TNKS: variants seen among roughly 807,000 people sequenced by gnomAD.
TNKS encodes the protein tankyrase.
In TNKS, 72 loss-of-function variants were observed where a neutral mutation model predicts 135.8. That is an observed-to-expected ratio of 0.53 (90% CI 0.44 to 0.64). The LOEUF is 0.64. TNKS is among the 30% of genes least tolerant of loss of function. TNKS has a pLI of 0.00. For synonymous variants in TNKS, 849 were observed against 649.3 expected (o/e 1.31, Z -4.68); for missense variants, 1,769 against 1,674.0 (o/e 1.06, Z -0.99).
intron 3 of TNKS, among the ~76,000 whole-genome samples, chr8:9,638,667 G>T (rs1800611063): frequency 6.6e-6 from 1 of 152,162 alleles, no homozygotes; most frequent in Non-Finnish European, 1.5e-5. Context: ...AAGTTGAAAT[G>T]ATATTTTAAA....
intron 3 of TNKS, among the ~76,000 whole-genome samples, chr8:9,627,682 G>C (rs1800116382): frequency 6.6e-6 from 1 of 152,082 alleles, no homozygotes; most frequent in Non-Finnish European, 1.5e-5. Flanking sequence ...CTGTTTGTTT[G>C]TGTTTTTCCA....
intron 25 of TNKS, among the ~76,000 whole-genome samples, chr8:9,769,367 A>G (rs1376563962): frequency 1.3e-5 from 2 of 152,164 alleles, no homozygotes; most frequent in Non-Finnish European, 2.9e-5. Context: ...CACCCAGACT[A>G]TTATGATTTT....
chr8:9,748,061 C>G lies in TNKS; in HGVS notation c.2681C>G (p.Thr894Arg). The stretch of plus-strand genomic sequence containing the variant: ...GCGGCTTTATTGATAAAATACAACA[C>G]GTGTGTAAATGCAACAGATAAGTGG... ...DIAALLIKYN[T>R]CVNATDKWAF... The change falls in exon 18 of 27, where the codon ACG becomes AGG. Residue 894 changes from threonine to arginine, a missense_variant. Transcript: ENST00000310430. 1 of 1,612,142 alleles carries G rather than the reference C, an allele frequency of 6.2e-7. No individual in the cohort carries two copies. The highest frequency in any genetic ancestry group is 8.5e-7 in the Non-Finnish European group (1 of 1,179,478).
intron 20 of TNKS, 92 bp from the exon 21 acceptor site, chr8:9,761,424 A>G: frequency 3.0e-6 from 4 of 1,314,156 alleles, no homozygotes; most frequent in Admixed American, 4.7e-5. Flanking sequence ...CTTAATTTGA[A>G]TGGTACTCGT....
At chr8:9,707,230 T>G (rs1804091044) in intron 8 of TNKS, among the ~76,000 whole-genome samples, 1 of 152,164 alleles carries the variant, frequency 6.6e-6, no homozygotes, top group African/African-American at 2.4e-5. Context: ...TGAAGCTCCT[T>G]TTTTGGTTTT....
intron 5 of TNKS, among the ~76,000 whole-genome samples, chr8:9,690,351 G>A (rs6990300): frequency 0.62 from 94,343 of 152,108 alleles, 29,677 homozygotes; most frequent in Middle Eastern, 0.73. Flanking sequence ...TATTCTCACA[G>A]AGATTACCCT....
intron 1 of TNKS, among the ~76,000 whole-genome samples, chr8:9,569,907 G>A (rs567943991): frequency 1.3e-5 from 2 of 151,964 alleles, no homozygotes; most frequent in African/African-American, 4.8e-5. Context: ...GCCTTAAAAA[G>A]TGTTTTTTTA....
chr8:9,660,213 C>G lies in TNKS; in HGVS notation c.995-19738C>G, dbSNP rs200393141. Among the ~76,000 whole-genome samples the G allele has an allele frequency of 2.5e-3, 374 of 152,198 alleles. 1 individual carries two copies. Among genetic ancestry groups the G allele is most frequent in the Middle Eastern group, 0.014 (4 of 294 alleles). ...AACTATTCCAATCAATAGAAAAAGA[C>G]GGAATCCTCCCTAACTCATTTTATG... On this transcript the variant is annotated intron_variant, in intron 3 of 26. Coordinates refer to ENST00000310430, the MANE Select transcript of TNKS (RefSeq NM_003747.3).
intron 2 of TNKS, among the ~76,000 whole-genome samples, chr8:9,597,680 G>C (rs1052996421): frequency 1.3e-4 from 20 of 152,138 alleles, no homozygotes; most frequent in Non-Finnish European, 2.5e-4. Flanking sequence ...GAAATAATTG[G>C]TTAATATTTT....
In TNKS at chr8:9,658,796, G is replaced by C. The variant is rs968807157; in HGVS notation, c.995-21155G>C. 1.2e-4 allele frequency among the ~76,000 whole-genome samples: 19 copies of C among 152,306 alleles called. 2 individuals are homozygous for C. Among genetic ancestry groups the C allele is most frequent in the African/African-American group, 4.6e-4 (19 of 41,564 alleles). On this transcript the variant is annotated intron_variant, in intron 3 of 26. Transcript: ENST00000310430. The stretch of plus-strand genomic sequence containing the variant: ...TTAAAAGACACAGACTGGCAAATTG[G>C]ATAAAGAGTCAAGACCCATCAGTGT...
At chr8:9,582,158 C>T (rs1335515121) in intron 2 of TNKS, among the ~76,000 whole-genome samples, 1 of 152,138 alleles carries the variant, frequency 6.6e-6, no homozygotes, top group Non-Finnish European at 1.5e-5. Flanking sequence ...CTTGCAGAAA[C>T]CTCTTAGGAG....
chr8:9,772,594 G>A (rs1173228254), intron 26 of TNKS, among the ~76,000 whole-genome samples: 1 of 151,902 alleles, frequency 6.6e-6, no homozygotes, highest in East Asian at 1.9e-4. Flanking sequence ...ATCCAGTATT[G>A]GAAGAGAAAG....
At chr8:9,691,600 C>T (rs530204920) in intron 5 of TNKS, among the ~76,000 whole-genome samples, 2 of 152,242 alleles carry the variant, frequency 1.3e-5, no homozygotes, top group South Asian at 4.1e-4. Context: ...TTTAACTTGC[C>T]GTGTTAATCA....
At position 9,589,567 on chromosome 8, in the gene TNKS, G is replaced by C. The variant is rs142607426; in HGVS notation, c.898+9184G>C. Among the ~76,000 whole-genome samples the C allele has an allele frequency of 5.9e-4, 90 of 152,324 alleles. No individual in the cohort carries two copies. In the South Asian group the frequency reaches 9.7e-3, roughly 16 times the overall value. On this transcript the variant is annotated intron_variant, in intron 2 of 26. Coordinates refer to ENST00000310430, the MANE Select transcript of TNKS (RefSeq NM_003747.3). ...CTTGTTGCTAAACCTGAGATGCAAA[G>C]AATCTGATGCCCCACTTTGAGTTAG...
intron 2 of TNKS, among the ~76,000 whole-genome samples, chr8:9,600,889 C>G (rs548103827): frequency 6.6e-6 from 1 of 152,290 alleles, no homozygotes; most frequent in African/African-American, 2.4e-5. Context: ...AGCATTATTA[C>G]AGAATCTAAA....
Position 9,712,856 on chromosome 8 carries a change from C to G in TNKS, c.1749+2636C>G, listed in dbSNP as rs73531231. On this transcript the variant is annotated intron_variant, in intron 11 of 26. Transcript: ENST00000310430. ...AGTGAGCTGTAATCATGCCACTACA[C>G]TGTAGCCTGGGTGACAGAGCAGTAC... Among the ~76,000 whole-genome samples, 212 of 152,306 alleles carry G rather than the reference C, an allele frequency of 1.4e-3. 1 individual carries two copies. The highest frequency in any genetic ancestry group is 4.7e-3 in the African/African-American group (194 of 41,568).
intron 1 of TNKS, among the ~76,000 whole-genome samples, chr8:9,579,700 C>G (rs1287953498): frequency 6.6e-6 from 1 of 152,044 alleles, no homozygotes; most frequent in Admixed American, 6.6e-5. Flanking sequence ...AACTCCTGAC[C>G]TCAGGTGACC....
At chr8:9,649,878 C>CTTTTTTTTTTTTTTTTTTTT (rs71201959) in intron 3 of TNKS, among the ~76,000 whole-genome samples, 5 of 83,364 alleles carry the variant, frequency 6.0e-5, no homozygotes, top group African/African-American at 2.7e-4. Context: ...CTTTTCTTTT[C>CTTTTTTTTTTTTTTTTTTTT]TTTTTTTTTT....
intron 3 of TNKS, among the ~76,000 whole-genome samples, chr8:9,619,847 T>G (rs1331324693): frequency 6.7e-6 from 1 of 150,228 alleles, no homozygotes; most frequent in Non-Finnish European, 1.5e-5. Context: ...AAGACCAACA[T>G]CTTTAGCATA....
Sources: gnomAD v4.1 joint callset for allele counts (sites outside exome capture counted in the v4.1 genomes callset) on GRCh38, gnomAD v4.1.1 for gene constraint, MANE v1.5 for transcripts, NCBI Gene and HGNC (gene_info 2026-07-23, HGNC 2026-07-21) for gene names.